The following FAT2 variants were observed in gnomAD, a reference collection of about 807,000 sequenced individuals.
FAT2 encodes the protein protocadherin Fat 2.
Under a neutral mutation model 295.3 loss-of-function variants are expected in FAT2, and 150 were observed. That is an observed-to-expected ratio of 0.51 (90% CI 0.44 to 0.58). The LOEUF (loss-of-function observed/expected upper bound fraction) is 0.58. FAT2 is among the 20% of genes least tolerant of loss of function. The pLI, the probability that FAT2 is intolerant of heterozygous loss-of-function variation, is 0.00. For synonymous variants in FAT2, 2,026 were observed against 2,150.3 expected (o/e 0.94, Z 1.60); for missense variants, 4,868 against 5,442.7 (o/e 0.89, Z 3.32).
intron 3 of FAT2, among the ~76,000 whole-genome samples, chr5:151,561,179 AG>A (rs1415816298): frequency 6.6e-6 from 1 of 152,236 alleles, no homozygotes; most frequent in Non-Finnish European, 1.5e-5. Context: ...CTGAAAGAAG[AG>A]CGGGAATTGA....
In FAT2 at chr5:151,549,774, A is replaced by G. The variant is rs550050165; in HGVS notation, c.4579-269T>C. Among the ~76,000 whole-genome samples, 3 of 152,336 alleles carry G rather than the reference A, an allele frequency of 2.0e-5. No individual in the cohort carries two copies. In the East Asian group the frequency reaches 5.8e-4, roughly 29 times the overall value. On this transcript the variant is annotated intron_variant, in intron 8 of 23. Transcript: ENST00000261800. The stretch of plus-strand genomic sequence containing the variant: ...ATAGGCAGAGAAGCAGTGTTTTCCA[A>G]ATTACATCTCAGAGAATACTCATTC...
At position 151,505,755 on chromosome 5, in the gene FAT2, C is replaced by G. The variant is rs1316599601; in HGVS notation, c.12860G>C (p.Gly4287Ala). Residue 4287 changes from glycine to alanine, a missense_variant, in exon 24 of 24, where the codon GGG becomes GCG. By Grantham distance (60) the Gly-to-Ala change is moderately conservative. Around this residue, in one of 5 missense-constraint regions of FAT2, gnomAD observed 492 missense variants for 482.6 expected, o/e 1.02. Coordinates refer to ENST00000261800, the MANE Select transcript of FAT2 (RefSeq NM_001447.3). ...GTAGCCCCCGTCTGCCAGGCAGGGC[C>G]CTCCCCCTCCCTGCCGGAACTGCGA... Reference protein sequence around the residue: ...YHSQFRQGGGGPCLADGGYKG... With the variant: ...YHSQFRQGGGAPCLADGGYKG... The G allele has an allele frequency of 6.2e-7, 1 of 1,613,194 alleles. No homozygotes were observed. The highest frequency in any genetic ancestry group is 2.2e-5 in the East Asian group (1 of 44,872).
At chr5:151,541,225 G>GC (rs1756102736) in intron 10 of FAT2, among the ~76,000 whole-genome samples, 2 of 152,184 alleles carry the variant, frequency 1.3e-5, no homozygotes, top group African/African-American at 4.8e-5. Flanking sequence ...TTGCTTGTAA[G>GC]TCATCTTTCT....
chr5:151,554,365 T>G lies in FAT2; in HGVS notation c.3942A>C (p.Leu1314=), dbSNP rs1454913767. 2.5e-6 allele frequency: 4 copies of G among 1,612,948 alleles called. No homozygotes were observed. The highest frequency in any genetic ancestry group is 3.4e-6 in the Non-Finnish European group (4 of 1,179,148). Residue 1314 remains leucine, a synonymous_variant, in exon 5 of 24, where the codon CTA becomes CTC. Transcript: ENST00000261800. ...STFTAGEYNI[L]TIKATDSGQP... is the part of the protein sequence containing the mutation. Reference sequence around the variant, plus strand: ...TGGCTTCCTTCTGTCTGCTCACCGTTAGGATGTTGTACTCTCCAGCTGTAA... The same window carrying G: ...TGGCTTCCTTCTGTCTGCTCACCGTGAGGATGTTGTACTCTCCAGCTGTAA...
rs1756033681 is a variant in FAT2 at position 151,540,606 on chromosome 5, A to C, written c.9000T>G (p.Phe3000Leu). 1 of 1,614,034 alleles carries C rather than the reference A, an allele frequency of 6.2e-7. No individual in the cohort carries two copies. Among genetic ancestry groups the C allele is most frequent in the Non-Finnish European group, 8.5e-7 (1 of 1,179,990 alleles). ...GGCTGTTATCATTGACGTCCAGGAC[A>C]AAGATCTCCACAGTGACCGAAGCCT... ...KFQASVTVEI[F>L]VLDVNDNSPQ... The change falls in exon 11 of 24, where the codon TTT becomes TTG. Residue 3000 changes from phenylalanine (F) to leucine (L), a missense_variant. By Grantham distance (22) the Phe-to-Leu change is conservative. Transcript: ENST00000261800.
At chr5:151,525,738 T>C (rs751468581) in intron 18 of FAT2, 30 bp downstream of exon 18, 1 of 1,613,058 alleles carries the variant, frequency 6.2e-7, no homozygotes, top group Non-Finnish European at 8.5e-7. Context: ...GTCCCCATGG[T>C]CACCACCAGA....
chr5:151,509,940 C>A, intron 22 of FAT2, 81 bp downstream of exon 22: 1 of 1,507,466 alleles, frequency 6.6e-7, no homozygotes, highest in Non-Finnish European at 9.1e-7. Flanking sequence ...CCCTGGCCTC[C>A]CATTGGACTT....
In FAT2 at chr5:151,507,599, C is replaced by G; in HGVS notation, c.12072G>C (p.Glu4024Asp). ...AGTGTCCTTCTGAACAACCCCTCGCCTCCATTTCACACCTGCGGAGACAGA... is the reference window on the plus strand; with the variant it reads ...AGTGTCCTTCTGAACAACCCCTCGCGTCCATTTCACACCTGCGGAGACAGA... ...HPYTGDRCEM[E>D]ARGCSEGHCL... Residue 4024 changes from glutamate (E) to aspartate (D), a missense_variant, in exon 23 of 24, where the codon GAG (glutamate) becomes GAC (aspartate). Physicochemically the swap from Glu to Asp is conservative, Grantham distance 45. Around this residue, in one of 5 missense-constraint regions of FAT2, gnomAD observed 492 missense variants for 482.6 expected, o/e 1.02. Coordinates refer to ENST00000261800, the MANE Select transcript of FAT2 (RefSeq NM_001447.3). 6.3e-7 allele frequency: 1 copy of G among 1,594,304 alleles called. No homozygotes were observed. Among genetic ancestry groups the G allele is most frequent in the Non-Finnish European group, 8.5e-7 (1 of 1,174,584 alleles).
rs762772318 is a variant in FAT2, at chr5:151,512,290, G to A, written c.11780C>T (p.Ala3927Val). 1.2e-6 allele frequency: 2 copies of A among 1,614,242 alleles called. No homozygotes were observed. The highest frequency in any genetic ancestry group is 8.5e-7 in the Non-Finnish European group (1 of 1,180,032). Reference protein sequence around the residue: ...VVNEEALDLLAPGKTVAGLLE... With the variant: ...VVNEEALDLLVPGKTVAGLLE... ...CAAGCCTGCCACCGTCTTGCCAGGG[G>A]CCAGCAGATCTAGAGCCTCTTCGTT... The change falls in exon 21 of 24, where the codon GCC becomes GTC. Residue 3927 changes from alanine (A) to valine (V), a missense_variant. Physicochemically the swap from Ala to Val is moderately conservative, Grantham distance 64. This residue lies in a region of FAT2 where 1,046 missense variants were observed against 1,210.1 expected (regional missense o/e 0.86). Transcript: ENST00000261800. This position sits in a 1 kb window ranked among gnomAD's most constrained non-coding sequence, Gnocchi z 4.1.
Position 151,505,343 on chromosome 5 carries a change from C to G in FAT2, c.*222G>C, listed in dbSNP as rs531409374. The G allele has an allele frequency of 5.0e-6, 3 of 602,424 alleles. No homozygotes were observed. The East Asian group carries it at 8.5e-5, about 17-fold the overall frequency. The allele number at this position is 602,424 out of a possible 1,614,324, so 37.3% of individuals were successfully genotyped here. A position where few individuals can be genotyped will look rare whatever the true frequency, so the allele number is the denominator to read the frequency against. ...GTCACTGCTCTAGAAATGCCCCTCT[C>G]CTGGGACCCTAGTGCTGTTTCTGGA... On this transcript the variant is annotated 3_prime_UTR_variant, in exon 24 of 24. Coordinates refer to ENST00000261800, the MANE Select transcript of FAT2 (RefSeq NM_001447.3).
At chr5:151,564,953 A>T (rs1191810130) in intron 2 of FAT2, among the ~76,000 whole-genome samples, 6 of 152,084 alleles carry the variant, frequency 3.9e-5, no homozygotes, top group Admixed American at 6.6e-5. Context: ...GGTGCCTGTA[A>T]TTCCAGCTAC....
rs1240383263 is a variant in FAT2 at position 151,504,789 on chromosome 5, AAAG to A, written c.*773_*775del. On this transcript the variant is annotated 3_prime_UTR_variant, in exon 24 of 24. Transcript: ENST00000261800. ...TTCCATGAGGTCTGAATTCTTTAAC[AAAG>A]AAGGTTCAGAGCTGTGTAGACTCCT... 6.6e-6 allele frequency: 1 copy of A among 152,634 alleles called. No homozygotes were observed. Among genetic ancestry groups the A allele is most frequent in the African/African-American group, 2.4e-5 (1 of 41,440 alleles). 9.5% of individuals were successfully genotyped at this position (152,634 alleles called of 1,614,324 possible).
At chr5:151,541,019 G>C (rs1756079645) in intron 10 of FAT2, among the ~76,000 whole-genome samples, 1 of 152,076 alleles carries the variant, frequency 6.6e-6, no homozygotes, top group Admixed American at 6.5e-5. Context: ...CTGAAGGCAG[G>C]GTTTTTTGTT....
rs1758658383 is a variant in FAT2, at chr5:151,574,321, A to ATTAC, written c.-20-5371_-20-5370insGTAA. On this transcript the variant is annotated intron_variant, in intron 1 of 23. Transcript: ENST00000261800. ...AGGACTGTAATGGATGGGTGATTCC[A>ATTAC]AACCCCTCTAATTGTCCCACCCCTC... Among the ~76,000 whole-genome samples, 3 of 152,174 alleles carry ATTAC rather than the reference A, an allele frequency of 2.0e-5. No individual in the cohort carries two copies. In the South Asian group the frequency reaches 6.2e-4, roughly 32 times the overall value.
In FAT2 at chr5:151,567,302, G is replaced by T; in HGVS notation, c.1630C>A (p.Arg544=). 6.2e-7 allele frequency: 1 copy of T among 1,613,948 alleles called. No individual in the cohort carries two copies. The highest frequency in any genetic ancestry group is 8.5e-7 in the Non-Finnish European group (1 of 1,179,988). Residue 544 remains arginine, a synonymous_variant, in exon 2 of 24, where the codon CGG becomes AGG. Transcript: ENST00000261800. ...AGAAAAATGGACACTTCCTTCTCCC[G>T]GCGAAAAGGGGATCCCCAGTCTGAT... ...RASDWGSPFR[R]EKEVSIFLQL...
Position 151,566,675 on chromosome 5 carries a change from CAT to C in FAT2, c.2255_2256del (p.Tyr752CysfsTer7). 1 of 1,614,160 alleles carries C rather than the reference CAT, an allele frequency of 6.2e-7. No homozygotes were observed. On this transcript the variant is annotated frameshift_variant, in exon 2 of 24. Coordinates refer to ENST00000261800, the MANE Select transcript of FAT2 (RefSeq NM_001447.3). LOFTEE classifies it high-confidence loss of function. ...PDAGFNGKLV[Y>X]VIADGNEEGC... ...CCCTCCTCATTGCCATCTGCAATCA[CAT>C]AGACCAGTTTGCCATTAAAACCAGC... is the stretch of plus-strand genomic sequence containing the variant.
At position 151,567,946 on chromosome 5, in the gene FAT2, A is replaced by G; in HGVS notation, c.986T>C (p.Phe329Ser). 1 of 1,614,204 alleles carries G rather than the reference A, an allele frequency of 6.2e-7. No homozygotes were observed. The highest frequency in any genetic ancestry group is 8.5e-7 in the Non-Finnish European group (1 of 1,180,038). Residue 329 changes from phenylalanine (F) to serine (S), a missense_variant, in exon 2 of 24, where the codon TTC (phenylalanine) becomes TCC (serine). Transcript: ENST00000261800. ...ACTCCTGGCCTGGAGGCTGAGGTTG[A>G]ACCCATGAAGGTACTCCATCCAGTT... ...DINWMEYLHG[F>S]NLSLQARSGS...
chr5:151,586,214 C>T (rs148301769), intron 1 of FAT2, among the ~76,000 whole-genome samples: 194 of 152,372 alleles, frequency 1.3e-3, no homozygotes, highest in Admixed American at 3.3e-3. Flanking sequence ...CACATGCTGA[C>T]GTTACTGTAC....
rs754103933 is a variant in FAT2, at chr5:151,568,020, C to G, written c.912G>C (p.Lys304Asn). Residue 304 changes from lysine (K) to asparagine (N), a missense_variant, in exon 2 of 24, where the codon AAG (lysine) becomes AAC (asparagine). This residue lies in a region of FAT2 where 3,297 missense variants were observed against 3,669.4 expected (regional missense o/e 0.90). Coordinates refer to ENST00000261800, the MANE Select transcript of FAT2 (RefSeq NM_001447.3). ...GDPGKHFKAI[K>N]SYARSNEFSL... Reference sequence around the variant, plus strand: ...TGAACTCATTGCTCCGGGCATAAGACTTGATGGCTTTGAAGTGCTTTCCAG... The same window carrying G: ...TGAACTCATTGCTCCGGGCATAAGAGTTGATGGCTTTGAAGTGCTTTCCAG... 1.2e-6 allele frequency: 2 copies of G among 1,614,218 alleles called. No individual in the cohort carries two copies. The highest frequency in any genetic ancestry group is 2.2e-5 in the South Asian group (2 of 91,086).
Sources: gnomAD v4.1 joint callset for allele counts (sites outside exome capture counted in the v4.1 genomes callset) on GRCh38, gnomAD v4.1.1 for gene constraint, gnomAD v4.1.1 regional missense constraint, Gnocchi (gnomAD v3.1) non-coding constraint, MANE v1.5 for transcripts, NCBI Gene and HGNC (gene_info 2026-07-23, HGNC 2026-07-21) for gene names.